Variants in TTN observed in about 807,000 individuals in gnomAD.
TTN encodes the protein connectin.
In TTN, 1,525 loss-of-function variants were observed where a neutral mutation model predicts 3,223.0. The observed-to-expected ratio is 0.47, with a 90% CI of 0.45 to 0.49. The LOEUF is 0.49. Among genes scored for constraint, TTN ranks in the 20% least tolerant of loss-of-function variants. The pLI is 0.00. For synonymous variants in TTN, 14,094 were observed against 15,161.0 expected (o/e 0.93, Z 5.17); for missense variants, 40,786 against 43,424.0 (o/e 0.94, Z 5.40).
intron 227 of TTN, 55 bp downstream of exon 227, chr2:178,635,385 T>C: frequency 1.2e-6 from 2 of 1,606,030 alleles, no homozygotes; most frequent in South Asian, 1.1e-5. Flanking sequence ...GGTGTGTTAT[T>C]TGGCTTTACA....
In TTN at chr2:178,650,247, G is replaced by A. The variant is rs1576932828; in HGVS notation, c.39734C>T (p.Ala13245Val). Residue 13245 changes from alanine (A) to valine (V), a missense_variant, in exon 210 of 363, where the codon GCT becomes GTT. Physicochemically the swap from Ala to Val is moderately conservative, Grantham distance 64 (BLOSUM62 0). Transcript: ENST00000589042. ...PEVYEEPEEIAPEEEIAPEEE... is the reference protein window; with the variant it reads ...PEVYEEPEEIVPEEEIAPEEE... ...TTCAGGAGCAATTTCCTCTTCAGGAGCAATTTCCTCAGGTTCTTCATATAC... is the reference window on the plus strand; with the variant it reads ...TTCAGGAGCAATTTCCTCTTCAGGAACAATTTCCTCAGGTTCTTCATATAC... 6.4e-7 allele frequency: 1 copy of A among 1,570,048 alleles called. No homozygotes were observed. Among genetic ancestry groups the A allele is most frequent in the East Asian group, 2.3e-5 (1 of 43,720 alleles).
rs1227298156 is a variant in TTN at position 178,799,651 on chromosome 2, T to C, written c.750A>G (p.Pro250=). 1.9e-6 allele frequency: 3 copies of C among 1,614,030 alleles called. No homozygotes were observed. The highest frequency in any genetic ancestry group is 3.3e-5 in the Admixed American group (2 of 60,010). ...VIDGAAGQQL[P]HKTPPRIPPK... ...GAGGAATCCTGGGAGGTGTTTTATGTGGCAGCTGTTGCCCAGCGGCACCAT... is the reference window on the plus strand; with the variant it reads ...GAGGAATCCTGGGAGGTGTTTTATGCGGCAGCTGTTGCCCAGCGGCACCAT... Residue 250 remains proline, a synonymous_variant, in exon 6 of 363, where the codon CCA becomes CCG. Coordinates refer to ENST00000589042, the MANE Select transcript of TTN (RefSeq NM_001267550.2).
chr2:178,755,192 G>C (rs1424964521), intron 46 of TTN, among the ~76,000 whole-genome samples: 1 of 152,002 alleles, frequency 6.6e-6, no homozygotes, highest in Non-Finnish European at 1.5e-5. Flanking sequence ...ATATCCAAAA[G>C]GAAAGTCCAT....
At position 178,586,822 on chromosome 2, in the gene TTN, T is replaced by C. The variant is rs770153900; in HGVS notation, c.64094-15A>G. On this transcript the variant is annotated splice_polypyrimidine_tract_variant and intron_variant, in intron 307 of 362. Transcript: ENST00000589042. Reference sequence around the variant, plus strand: ...ATCCGGCTCACCTAGAAGAAAAACATAATTTAGAAGATTACCTAGGTAACC... The same window carrying C: ...ATCCGGCTCACCTAGAAGAAAAACACAATTTAGAAGATTACCTAGGTAACC... 1 of 1,604,364 alleles carries C rather than the reference T, an allele frequency of 6.2e-7. No homozygotes were observed. Among genetic ancestry groups the C allele is most frequent in the Admixed American group, 1.8e-5 (1 of 57,074 alleles).
At chr2:178,616,413 T>C in intron 257 of TTN, 66 bp downstream of exon 257, 1 of 1,591,716 alleles carries the variant, frequency 6.3e-7, no homozygotes, top group East Asian at 2.2e-5. Context: ...TTGTATGGCA[T>C]CCCAACCTTC....
At position 178,593,789 on chromosome 2, in the gene TTN, G is replaced by A. The variant is rs1454300536; in HGVS notation, c.58511C>T (p.Pro19504Leu). Residue 19504 changes from proline (P) to leucine (L), a missense_variant, in exon 298 of 363, where the codon CCT becomes CTT. Physicochemically the swap from Pro to Leu is moderately conservative, Grantham distance 98 (BLOSUM62 -3). Transcript: ENST00000589042. ...KDYMVISWKP[P>L]LDDGGSKITN... ...GATTTTACTGCCTCCATCATCTAAA[G>A]GAGGCTTCCAAGAGATAACCATGTA... 6.2e-7 allele frequency: 1 copy of A among 1,613,062 alleles called. No homozygotes were observed. Among genetic ancestry groups the A allele is most frequent in the Admixed American group, 1.7e-5 (1 of 59,930 alleles).
Position 178,557,988 on chromosome 2 carries a change from G to T in TTN, c.87366C>A (p.Ser29122=), listed in dbSNP as rs1372807203. The change falls in exon 328 of 363, where the codon TCC becomes TCA. Residue 29122 remains serine, a synonymous_variant. Transcript: ENST00000589042. Reference sequence around the variant, plus strand: ...TAATGAAAGCTTTGGTTGTACCACTGGAGTTGGCAGCAGTGATTTCATATC... The same window carrying T: ...TAATGAAAGCTTTGGTTGTACCACTTGAGTTGGCAGCAGTGATTTCATATC... The part of the protein sequence containing the change: ...AGRYEITAAN[S]SGTTKAFINI... 13 of 1,613,518 alleles carry T rather than the reference G, an allele frequency of 8.1e-6. No individual in the cohort carries two copies. Among genetic ancestry groups the T allele is most frequent in the Non-Finnish European group, 1.1e-5 (13 of 1,179,868 alleles).
At chr2:178,663,113 C>T in intron 173 of TTN, 58 bp from the exon 174 acceptor site, 7 of 1,604,980 alleles carry the variant, frequency 4.4e-6, no homozygotes, top group Non-Finnish European at 6.0e-6. Flanking sequence ...ATGCCTTTTG[C>T]ATATAAACAC....
At position 178,621,667 on chromosome 2, in the gene TTN, C is replaced by G; in HGVS notation, c.45157G>C (p.Glu15053Gln). 6.2e-7 allele frequency: 1 copy of G among 1,612,310 alleles called. No individual in the cohort carries two copies. The highest frequency in any genetic ancestry group is 8.5e-7 in the Non-Finnish European group (1 of 1,179,034). The change falls in exon 245 of 363, where the codon GAA (glutamate) becomes CAA (glutamine). Residue 15053 changes from glutamate (E) to glutamine (Q), a missense_variant. Coordinates refer to ENST00000589042, the MANE Select transcript of TTN (RefSeq NM_001267550.2). ...SETDTIKLVC[E>Q]VSKPGAEVIW... ...ACTTCTGCGCCAGGTTTGGAGACTT[C>G]ACAAACCAGTTTTATAGTGTCTGTT...
Position 178,565,880 on chromosome 2 carries a change from G to A in TTN, c.80252C>T (p.Ala26751Val), listed in dbSNP as rs912122514. ...SFKVENLTEG[A>V]IYYFRVMAEN... ...AGCCATGACTCTGAAGTAATAAATG[G>A]CTCCTTCTGTAAGGTTTTCCACTTT... is the stretch of plus-strand genomic sequence containing the variant. The change falls in exon 326 of 363, where the codon GCC (alanine) becomes GTC (valine). Residue 26751 changes from alanine to valine, a missense_variant. Physicochemically the swap from Ala to Val is moderately conservative, Grantham distance 64 (BLOSUM62 0). Transcript: ENST00000589042. The A allele has an allele frequency of 6.2e-7, 1 of 1,613,588 alleles. No homozygotes were observed. The highest frequency in any genetic ancestry group is 1.1e-5 in the South Asian group (1 of 91,070).
chr2:178,756,261 C>T lies in TTN; in HGVS notation c.11215G>A (p.Gly3739Arg). The change falls in exon 46 of 363, where the codon GGA (glycine) becomes AGA (arginine). Residue 3739 changes from glycine to arginine, a missense_variant. By Grantham distance (125) the Gly-to-Arg change is moderately radical. Transcript: ENST00000589042. ...LYSCIVHNDC[G>R]ERTTSAVLSV... ...AGTACTGCTGACGTTGTCCTCTCTC[C>T]ACAGTCATTGTGTACAATGCAGCTG... The T allele has an allele frequency of 6.2e-7, 1 of 1,613,490 alleles. No individual in the cohort carries two copies. The highest frequency in any genetic ancestry group is 8.5e-7 in the Non-Finnish European group (1 of 1,179,492).
At position 178,572,996 on chromosome 2, in the gene TTN, A is replaced by C; in HGVS notation, c.73136T>G (p.Leu24379Arg). 6.2e-7 allele frequency: 1 copy of C among 1,613,168 alleles called. No homozygotes were observed. Among genetic ancestry groups the C allele is most frequent in the Non-Finnish European group, 8.5e-7 (1 of 1,179,498 alleles). ...EWQIVTPPAGLKATSYTITGL... is the reference protein window; with the variant it reads ...EWQIVTPPAGRKATSYTITGL... ...AGTGATAGTATACGAAGTTGCCTTG[A>C]GTCCTGCTGGTGGAGTGACAATCTG... The change falls in exon 326 of 363, where the codon CTC becomes CGC. Residue 24379 changes from leucine (L) to arginine (R), a missense_variant. Leu to Arg is a moderately radical substitution (Grantham distance 102). Coordinates refer to ENST00000589042, the MANE Select transcript of TTN (RefSeq NM_001267550.2).
intron 264 of TTN, 30 bp downstream of exon 264, chr2:178,613,131 A>C (rs775566253): frequency 1.9e-6 from 3 of 1,608,006 alleles, no homozygotes; most frequent in Non-Finnish European, 2.5e-6. Context: ...ATGAACTTCG[A>C]AATAACCACA....
intron 119 of TTN, 42 bp downstream of exon 119, chr2:178,693,567 T>C (rs2072982515): frequency 7.2e-7 from 1 of 1,389,750 alleles, no homozygotes; most frequent in Admixed American, 2.2e-5. Context: ...TTTGTACTAA[T>C]TTTTATTAAA....
chr2:178,597,575 G>T lies in TTN; in HGVS notation c.57507C>A (p.Ala19169=). 6.2e-7 allele frequency: 1 copy of T among 1,612,512 alleles called. No homozygotes were observed. Among genetic ancestry groups the T allele is most frequent in the Non-Finnish European group, 8.5e-7 (1 of 1,179,378 alleles). Residue 19169 remains alanine (A), a synonymous_variant, in exon 294 of 363, where the codon GCC becomes GCA. Transcript: ENST00000589042. ...CAATAATTGTCTTCTTTCTTTCTCC[G>T]GCTTCATTTTTGGCAAGAAGAGAAT... ...GVYSLLAKNE[A]GERKKTIIVD...
Position 178,774,207 on chromosome 2 carries a change from G to C in TTN, c.7057C>G (p.Pro2353Ala). The stretch of plus-strand genomic sequence containing the variant: ...GGCTGACAGGAATGGGAGGACTTAC[G>C]TTTCATCTTTAATTTACAGGTTGTC... ...KKTTCKLKMK[P>A]RPIAILQGLS... is the part of the protein sequence containing the mutation. The change falls in exon 30 of 363, where the codon CCC (proline) becomes GCC (alanine). Residue 2353 changes from proline to alanine, a missense_variant and splice_region_variant. Coordinates refer to ENST00000589042, the MANE Select transcript of TTN (RefSeq NM_001267550.2). 8.1e-6 allele frequency: 13 copies of C among 1,613,998 alleles called. No individual in the cohort carries two copies. Among genetic ancestry groups the C allele is most frequent in the Non-Finnish European group, 1.1e-5 (13 of 1,179,968 alleles).
chr2:178,602,153 G>A lies in TTN; in HGVS notation c.55121-3C>T. On this transcript the variant is annotated splice_polypyrimidine_tract_variant and splice_region_variant and intron_variant, in intron 283 of 362. Transcript: ENST00000589042. The stretch of plus-strand genomic sequence containing the variant: ...GTCAATGAAAACTTCTGGTTCCTCT[G>A]TAATACCACATACAATTTAACAGGA... 2 of 1,600,996 alleles carry A rather than the reference G, an allele frequency of 1.2e-6. No homozygotes were observed. Among genetic ancestry groups the A allele is most frequent in the South Asian group, 1.1e-5 (1 of 88,794 alleles).
chr2:178,625,387 G>T lies in TTN; in HGVS notation c.44434C>A (p.Arg14812Ser), dbSNP rs745698096. The T allele has an allele frequency of 1.1e-5, 18 of 1,574,450 alleles. No individual in the cohort carries two copies. In the East Asian group the frequency reaches 4.2e-4, roughly 37 times the overall value. ...KLEPSDKVVPRSEGKVHTLTL... is the reference protein window; with the variant it reads ...KLEPSDKVVPSSEGKVHTLTL... ...AGTGTATGAACTTTTCCTTCTGAACGTGGGACCACCTAGTTGTTTTTAAAA... is the reference window on the plus strand; with the variant it reads ...AGTGTATGAACTTTTCCTTCTGAACTTGGGACCACCTAGTTGTTTTTAAAA... The change falls in exon 241 of 363, where the codon CGT becomes AGT. Residue 14812 changes from arginine to serine, a missense_variant. Transcript: ENST00000589042.
At chr2:178,582,674 T>C (rs2154178401) in intron 313 of TTN, 82 bp from the exon 314 acceptor site, 12 of 1,341,474 alleles carry the variant, frequency 8.9e-6, no homozygotes, top group Non-Finnish European at 1.2e-5. Flanking sequence ...GGCTGCAGTC[T>C]TTCTATTGTC....
Sources: gnomAD v4.1 joint callset for allele counts (sites outside exome capture counted in the v4.1 genomes callset) on GRCh38, gnomAD v4.1.1 for gene constraint, MANE v1.5 for transcripts, NCBI Gene and HGNC (gene_info 2026-07-23, HGNC 2026-07-21) for gene names.